The following TBC1D31 variants were observed in gnomAD, a reference collection of about 807,000 sequenced individuals.
The protein encoded by TBC1D31 is WD repeat domain 67.
In TBC1D31, 99 loss-of-function variants were observed where a neutral mutation model predicts 132.9. The ratio of observed to expected loss-of-function variants is 0.74; its 90% confidence interval spans 0.63 to 0.88. The LOEUF (loss-of-function observed/expected upper bound fraction) is 0.88, where lower values mean the gene tolerates loss of function less well. TBC1D31 is among the 40% of genes least tolerant of loss of function. The pLI is 0.00. For missense variants in TBC1D31, 1,134 were observed against 1,256.6 expected (o/e 0.90, Z 1.48); for synonymous variants, 385 against 419.4 (o/e 0.92, Z 1.00).
At chr8:123,157,023 G>C (rs955394800), downstream of TBC1D31, among the ~76,000 whole-genome samples, 30 of 152,236 alleles carry the variant, frequency 2.0e-4, no homozygotes, top group African/African-American at 7.2e-4. Flanking sequence ...AGCAGTCGGG[G>C]ACTGCTCCAG....
At chr8:123,114,618 G>T (rs542017770) in intron 10 of TBC1D31, among the ~76,000 whole-genome samples, 3 of 152,076 alleles carry the variant, frequency 2.0e-5, no homozygotes, top group Non-Finnish European at 2.9e-5. Flanking sequence ...CACTGCACCC[G>T]GCCTGTGATA....
At chr8:123,091,372 G>A (rs2130104670) in intron 4 of TBC1D31, among the ~76,000 whole-genome samples, 1 of 152,212 alleles carries the variant, frequency 6.6e-6, no homozygotes, top group African/African-American at 2.4e-5. Flanking sequence ...AAAAATGACT[G>A]CTAATTATAA....
intron 7 of TBC1D31, among the ~76,000 whole-genome samples, chr8:123,105,068 A>C (rs111282501): frequency 4.5e-4 from 68 of 152,294 alleles, no homozygotes; most frequent in African/African-American, 1.6e-3. Flanking sequence ...ATTGTTAATC[A>C]TGTATCTTTA....
In TBC1D31 at chr8:123,128,308, G is replaced by T. The variant is rs371962928; in HGVS notation, c.1912G>T (p.Asp638Tyr). 23 of 1,609,688 alleles carry T rather than the reference G, an allele frequency of 1.4e-5. No individual in the cohort carries two copies. The highest frequency in any genetic ancestry group is 2.0e-5 in the Non-Finnish European group (23 of 1,176,852). ...TTTTTTTCACCATCGGAATAACCTG[G>T]ATATAAATGTTGTGATTAGACAAGT... ...EFFFHHRNNL[D>Y]INVVIRQVYH... The change falls in exon 14 of 22, where the codon GAT (aspartate) becomes TAT (tyrosine). Residue 638 changes from aspartate (D) to tyrosine (Y), a missense_variant. By Grantham distance (160) the Asp-to-Tyr change is radical. Coordinates refer to ENST00000287380, the MANE Select transcript of TBC1D31 (RefSeq NM_145647.4).
chr8:123,130,318 T>C lies in TBC1D31; in HGVS notation c.2391T>C (p.Asp797=), dbSNP rs760556985. The change falls in exon 16 of 22, where the codon GAT becomes GAC. Residue 797 remains aspartate (D), a synonymous_variant. Transcript: ENST00000287380. ...AAATGGAACTAAGAAGACTGGATGA[T>C]GAAATTGGGAGAAAGGTTTATTATT... ...QQEMELRRLD[D]EIGRKVYMRD... 4 of 1,611,286 alleles carry C rather than the reference T, an allele frequency of 2.5e-6. No individual in the cohort carries two copies. In the East Asian group the frequency reaches 8.9e-5, roughly 36 times the overall value.
chr8:123,093,498 T>C, intron 4 of TBC1D31, 93 bp from the exon 5 acceptor site: 1 of 821,170 alleles, frequency 1.2e-6, no homozygotes, highest in Non-Finnish European at 1.8e-6. Context: ...AAATAATATT[T>C]TAATAAAGAA....
At chr8:123,121,961 A>G (rs1485664396) in intron 11 of TBC1D31, among the ~76,000 whole-genome samples, 1 of 152,246 alleles carries the variant, frequency 6.6e-6, no homozygotes, top group Non-Finnish European at 1.5e-5. Flanking sequence ...ATCATTAGTC[A>G]TTAGGGAAAT....
chr8:123,116,858 T>A (rs1818964150), intron 10 of TBC1D31, among the ~76,000 whole-genome samples: 1 of 152,150 alleles, frequency 6.6e-6, no homozygotes, highest in Admixed American at 6.6e-5. Context: ...CATGAGTTCA[T>A]CCTGACATAA....
chr8:123,160,352 G>T, the TBC1D31 span, among the ~76,000 whole-genome samples: 1 of 151,926 alleles, frequency 6.6e-6, no homozygotes, highest in Non-Finnish European at 1.5e-5. Context: ...TAATCTATAA[G>T]CTATTTAAAT....
intron 1 of TBC1D31, 40 bp downstream of exon 1, chr8:123,072,886 T>G: frequency 1.3e-6 from 2 of 1,540,936 alleles, no homozygotes; most frequent in Non-Finnish European, 1.8e-6. Context: ...GTGGAGGGGA[T>G]GGAGACCGGC....
At chr8:123,157,319 C>T in the TBC1D31 span, among the ~76,000 whole-genome samples, 1 of 152,138 alleles carries the variant, frequency 6.6e-6, no homozygotes, top group Non-Finnish European at 1.5e-5. Context: ...TAAGGGTTTC[C>T]GGACGGATCA....
chr8:123,118,355 C>G (rs1356426455), intron 10 of TBC1D31, among the ~76,000 whole-genome samples: 1 of 152,052 alleles, frequency 6.6e-6, no homozygotes, highest in Non-Finnish European at 1.5e-5. Context: ...TACAATAACT[C>G]TACTATTTTT....
At chr8:123,123,966 T>G (rs1033336363) in intron 11 of TBC1D31, among the ~76,000 whole-genome samples, 7 of 152,092 alleles carry the variant, frequency 4.6e-5, no homozygotes, top group African/African-American at 1.7e-4. Flanking sequence ...ACAGCACAAA[T>G]TAGTTATTTT....
intron 17 of TBC1D31, among the ~76,000 whole-genome samples, chr8:123,136,482 G>A (rs1230856125): frequency 6.6e-6 from 1 of 152,088 alleles, no homozygotes. Context: ...ATGGAGTCTC[G>A]CTCTCTCACC....
At chr8:123,085,085 C>G (rs1815588217) in intron 4 of TBC1D31, among the ~76,000 whole-genome samples, 1 of 152,126 alleles carries the variant, frequency 6.6e-6, no homozygotes, top group South Asian at 2.1e-4. Context: ...CCACCATGCC[C>G]AGCTGTGTGT....
At chr8:123,126,399 G>T (rs928450837) in intron 12 of TBC1D31, 109 bp from the exon 13 acceptor site, 3 of 1,182,812 alleles carry the variant, frequency 2.5e-6, no homozygotes, top group Non-Finnish European at 1.2e-6. Context: ...TCATAATTAT[G>T]TATTTAATAT....
At chr8:123,122,214 C>T (rs976704421) in intron 11 of TBC1D31, among the ~76,000 whole-genome samples, 1 of 152,186 alleles carries the variant, frequency 6.6e-6, no homozygotes, top group African/African-American at 2.4e-5. Context: ...GAATTGAAAA[C>T]TGAGACTTAG....
chr8:123,098,181 G>C (rs933163501), intron 6 of TBC1D31, among the ~76,000 whole-genome samples: 4 of 152,192 alleles, frequency 2.6e-5, no homozygotes, highest in African/African-American at 9.6e-5. Context: ...ACAGTAGGAA[G>C]TCTGTCACGC....
rs1324005635 is a variant in TBC1D31 at position 123,116,721 on chromosome 8, C to T, written c.1437-3334C>T. ...TAGTGCCATAAAGTAAGGAAATGCTCTGAAAGGATGGGCATGTCACAAGGG... is the reference window on the plus strand; with the variant it reads ...TAGTGCCATAAAGTAAGGAAATGCTTTGAAAGGATGGGCATGTCACAAGGG... On this transcript the variant is annotated intron_variant, in intron 10 of 21. Transcript: ENST00000287380. 3.3e-5 allele frequency among the ~76,000 whole-genome samples: 5 copies of T among 152,072 alleles called. No homozygotes were observed. The South Asian group carries it at 8.3e-4, about 25-fold the overall frequency.
Sources: allele counts gnomAD v4.1 joint callset (sites outside exome capture counted in the v4.1 genomes callset), GRCh38; gene constraint gnomAD v4.1.1; transcripts MANE v1.5; gene names NCBI Gene and HGNC (gene_info 2026-07-23, HGNC 2026-07-21).